Variants in A4GALT observed in about 807,000 individuals in gnomAD.
A4GALT encodes the protein lactosylceramide 4-alpha-galactosyltransferase.
For missense variants in A4GALT, 512 were observed against 486.0 expected (o/e 1.05, Z -0.50); for synonymous variants, 257 against 220.7 (o/e 1.16, Z -1.46).
chr22:42,692,450 G>A lies in A4GALT; in HGVS notation c.*440C>T. On this transcript the variant is annotated 3_prime_UTR_variant, in exon 3 of 3. Coordinates refer to ENST00000642412, the MANE Select transcript of A4GALT (RefSeq NM_017436.7). The surrounding 1 kb of genome is among the most constrained non-coding windows in gnomAD (Gnocchi z 4.6). Reference sequence around the variant, plus strand: ...AAAGCATCCTCCGCCCCGGACCCTTGGGGCTGGGTCTCCCCCAGCCCTGCC... The same window carrying A: ...AAAGCATCCTCCGCCCCGGACCCTTAGGGCTGGGTCTCCCCCAGCCCTGCC... 1 of 338,694 alleles carries A rather than the reference G, an allele frequency of 3.0e-6. No homozygotes were observed. The highest frequency in any genetic ancestry group is 5.8e-6 in the Non-Finnish European group (1 of 171,240). The allele number at this position is 338,694 out of a possible 1,614,324, so 21.0% of individuals were successfully genotyped here. A position where few individuals can be genotyped will look rare whatever the true frequency, so the allele number is the denominator to read the frequency against.
At chr22:42,709,702 A>C (rs1921510530) in intron 1 of A4GALT, among the ~76,000 whole-genome samples, 1 of 152,110 alleles carries the variant, frequency 6.6e-6, no homozygotes, top group African/African-American at 2.4e-5. Flanking sequence ...AGATACGAGA[A>C]TCGCTTGAGC....
chr22:42,697,450 C>T (rs537480235), intron 1 of A4GALT, among the ~76,000 whole-genome samples: 6 of 152,174 alleles, frequency 3.9e-5, no homozygotes, highest in East Asian at 1.9e-4. Context: ...ACCACGCGGA[C>T]GGGTGGACAG....
At chr22:42,717,593 C>A (rs1040314117) in intron 1 of A4GALT, among the ~76,000 whole-genome samples, 1 of 152,152 alleles carries the variant, frequency 6.6e-6, no homozygotes, top group Non-Finnish European at 1.5e-5. Flanking sequence ...ATCAACCTGT[C>A]CCTCCTTCTC....
At chr22:42,698,080 C>A (rs993865937) in intron 1 of A4GALT, among the ~76,000 whole-genome samples, 10 of 152,146 alleles carry the variant, frequency 6.6e-5, no homozygotes, top group Non-Finnish European at 8.8e-5. Context: ...GAAACCCCAT[C>A]TCTACTGAAA....
chr22:42,693,986 G>C lies in A4GALT; in HGVS notation c.-35C>G. 1 of 1,542,018 alleles carries C rather than the reference G, an allele frequency of 6.5e-7. No homozygotes were observed. The highest frequency in any genetic ancestry group is 8.8e-7 in the Non-Finnish European group (1 of 1,142,492). ...AGATCAGACCAGGAGCTTCCAGCAG[G>C]AACCGGCTGGTCTGCAAGAGATGAG... is the stretch of plus-strand genomic sequence containing the variant. On this transcript the variant is annotated 5_prime_UTR_variant, in exon 3 of 3. Coordinates refer to ENST00000642412, the MANE Select transcript of A4GALT (RefSeq NM_017436.7).
chr22:42,693,794 T>C lies in A4GALT; in HGVS notation c.158A>G (p.Tyr53Cys). The C allele has an allele frequency of 4.4e-6, 7 of 1,602,526 alleles. No homozygotes were observed. The highest frequency in any genetic ancestry group is 4.3e-6 in the Non-Finnish European group (5 of 1,174,710). Residue 53 changes from tyrosine to cysteine, a missense_variant, in exon 3 of 3, where the codon TAT becomes TGT. Coordinates refer to ENST00000642412, the MANE Select transcript of A4GALT (RefSeq NM_017436.7). ...GCAGGGGATCTCTGCTGGCAGGTTA[T>C]AGAGCTGCCCTTTCTCCTTGGGCTC... ...VGEPKEKGQL[Y>C]NLPAEIPCPT... is the part of the protein sequence containing the mutation.
chr22:42,698,274 G>A (rs1931075424), intron 1 of A4GALT, among the ~76,000 whole-genome samples: 1 of 150,978 alleles, frequency 6.6e-6, no homozygotes, highest in African/African-American at 2.4e-5. Context: ...ATCGAGAGGT[G>A]CAGGGCAATG....
At chr22:42,714,824 T>G (rs974204986) in intron 1 of A4GALT, among the ~76,000 whole-genome samples, 1 of 151,096 alleles carries the variant, frequency 6.6e-6, no homozygotes, top group Non-Finnish European at 1.5e-5. Context: ...AAGAGAAAAA[T>G]GCACTCAGGG....
chr22:42,721,279 T>C (rs1413960324), upstream of A4GALT: 2 of 152,136 alleles, frequency 1.3e-5, no homozygotes, highest in East Asian at 3.9e-4. Flanking sequence ...ACCCCAGTGT[T>C]TGCGGAATTC....
chr22:42,706,311 C>A (rs1199364139), intron 1 of A4GALT, among the ~76,000 whole-genome samples: 1 of 134,440 alleles, frequency 7.4e-6, no homozygotes, highest in Non-Finnish European at 1.5e-5. Context: ...GCTGAGATCA[C>A]ACCACTGCAC....
intron 1 of A4GALT, among the ~76,000 whole-genome samples, chr22:42,703,629 C>T (rs542861844): frequency 9.2e-5 from 14 of 152,208 alleles, no homozygotes; most frequent in Admixed American, 2.6e-4. Context: ...GCAGTGATGT[C>T]GGGAAGATGA....
intron 1 of A4GALT, among the ~76,000 whole-genome samples, chr22:42,701,908 G>A (rs536005117): frequency 6.6e-6 from 1 of 152,286 alleles, no homozygotes; most frequent in South Asian, 2.1e-4. Context: ...GTCATGACAC[G>A]TGGATCCCAC....
chr22:42,708,764 A>T (rs185608005), intron 1 of A4GALT, among the ~76,000 whole-genome samples: 51 of 152,300 alleles, frequency 3.3e-4, no homozygotes, highest in Non-Finnish European at 5.7e-4. Context: ...GAAAATAACC[A>T]AATAAGCAGA....
At chr22:42,709,489 C>T (rs1335259451) in intron 1 of A4GALT, among the ~76,000 whole-genome samples, 1 of 151,938 alleles carries the variant, frequency 6.6e-6, no homozygotes, top group Non-Finnish European at 1.5e-5. Flanking sequence ...AATTCAGCAG[C>T]ACATTAAAAT....
intron 1 of A4GALT, among the ~76,000 whole-genome samples, chr22:42,711,791 G>A (rs974324455): frequency 5.3e-5 from 8 of 151,962 alleles, no homozygotes; most frequent in African/African-American, 1.9e-4. Flanking sequence ...GTGCCACCAC[G>A]CCTGGCTAAT....
chr22:42,714,587 C>A (rs1272759143), intron 1 of A4GALT, among the ~76,000 whole-genome samples: 2 of 151,658 alleles, frequency 1.3e-5, no homozygotes, highest in African/African-American at 4.8e-5. Flanking sequence ...ATCAACCTAG[C>A]CAACATGGTG....
upstream of A4GALT, chr22:42,721,114 C>G (rs543723471): frequency 5.9e-5 from 9 of 152,356 alleles, no homozygotes; most frequent in South Asian, 2.1e-4. Context: ...GTTACCATCC[C>G]GTTTTCCCCA....
At chr22:42,720,420 C>T (rs1208725047) in intron 1 of A4GALT, among the ~76,000 whole-genome samples, 3 of 152,160 alleles carry the variant, frequency 2.0e-5, no homozygotes, top group African/African-American at 7.2e-5. Flanking sequence ...GCGCGACTCA[C>T]CCACGGTGGC....
At chr22:42,698,619 T>C (rs988478412) in intron 1 of A4GALT, among the ~76,000 whole-genome samples, 18 of 152,276 alleles carry the variant, frequency 1.2e-4, no homozygotes, top group Non-Finnish European at 1.8e-4. Context: ...GAGATTCCGA[T>C]GTCCTGACGG....
Sources: allele counts gnomAD v4.1 joint callset (sites outside exome capture counted in the v4.1 genomes callset), GRCh38; gene constraint gnomAD v4.1.1; non-coding constraint Gnocchi (gnomAD v3.1); transcripts MANE v1.5; gene names NCBI Gene and HGNC (gene_info 2026-07-23, HGNC 2026-07-21).